Variants in CACNB2 observed in about 807,000 individuals in gnomAD.
CACNB2 encodes calcium voltage-gated channel auxiliary subunit beta 2.
Under a neutral mutation model 73.3 loss-of-function variants are expected in CACNB2, and 42 were observed. The observed-to-expected ratio is 0.57, with a 90% confidence interval of 0.45 to 0.74. The LOEUF is 0.74. Among genes scored for constraint, CACNB2 ranks in the 30% least tolerant of loss-of-function variants. The pLI is 0.00. For missense variants in CACNB2, 940 were observed against 853.0 expected, an observed-to-expected ratio of 1.10 and a Z score of -1.27; for synonymous variants, 348 against 310.3, an observed-to-expected ratio of 1.12 and a Z score of -1.28.
chr10:18,498,340 C>A lies in CACNB2; in HGVS notation c.334-15C>A. 2 of 1,613,998 alleles carry A rather than the reference C, an allele frequency of 1.2e-6. No homozygotes were observed. Among genetic ancestry groups the A allele is most frequent in the Middle Eastern group, 1.6e-4 (1 of 6,062 alleles). Reference sequence around the variant, plus strand: ...TTTGCTCTTATTTTTTTCCCTCTTCCTTTTCCCACTTTAGACAAAGCCCGT... The same window carrying A: ...TTTGCTCTTATTTTTTTCCCTCTTCATTTTCCCACTTTAGACAAAGCCCGT... On this transcript the variant is annotated splice_polypyrimidine_tract_variant and intron_variant, in intron 3 of 13. Coordinates refer to ENST00000324631, the MANE Select transcript of CACNB2 (RefSeq NM_201596.3).
chr10:18,271,286 T>C (rs2038044509), intron 2 of CACNB2, among the ~76,000 whole-genome samples: 1 of 152,220 alleles, frequency 6.6e-6, no homozygotes, highest in Non-Finnish European at 1.5e-5. Context: ...CTTTTAAGAA[T>C]ATAAAGCAAG....
chr10:18,489,385 C>T (rs2049273021), intron 3 of CACNB2, among the ~76,000 whole-genome samples: 1 of 101,400 alleles, frequency 9.9e-6, no homozygotes, highest in Non-Finnish European at 1.9e-5. Flanking sequence ...AGTGAAACTC[C>T]ATCTCAAAAA....
intron 2 of CACNB2, among the ~76,000 whole-genome samples, chr10:18,267,400 T>C (rs1245967415): frequency 3.3e-5 from 5 of 151,962 alleles, no homozygotes; most frequent in East Asian, 3.9e-4. Flanking sequence ...GAGGTCGGGA[T>C]TTCAAGACCA....
At chr10:18,298,438 A>G (rs564644247) in intron 2 of CACNB2, among the ~76,000 whole-genome samples, 2 of 152,344 alleles carry the variant, frequency 1.3e-5, no homozygotes, top group East Asian at 3.9e-4. Flanking sequence ...GTACAGTGTG[A>G]AATTTCTAGG....
chr10:18,347,365 TTTTTTTTTG>T (rs2041507670), intron 2 of CACNB2, among the ~76,000 whole-genome samples: 1 of 131,972 alleles, frequency 7.6e-6, no homozygotes, highest in African/African-American at 2.9e-5. Context: ...TTTTTTTTTT[TTTTTTTTTG>T]TATTTTAGTA....
chr10:18,507,251 A>G (rs561088066), intron 6 of CACNB2, among the ~76,000 whole-genome samples: 198 of 152,336 alleles, frequency 1.3e-3, no homozygotes, highest in African/African-American at 4.3e-3. Flanking sequence ...CAGAGGGTAA[A>G]GTGAAGATAG....
At chr10:18,519,806 A>C in intron 9 of CACNB2, 1 of 451,090 alleles carries the variant, frequency 2.2e-6, no homozygotes, top group Non-Finnish European at 4.4e-6. Context: ...CCACTCAGCT[A>C]AACTAGTCAT....
intron 2 of CACNB2, among the ~76,000 whole-genome samples, chr10:18,203,799 CTAAA>C (rs985239624): frequency 3.3e-5 from 5 of 152,082 alleles, no homozygotes; most frequent in Non-Finnish European, 7.4e-5. Context: ...AAAAAAGATA[CTAAA>C]TAAAGAACCG....
chr10:18,236,990 C>T (rs557508307), intron 2 of CACNB2, among the ~76,000 whole-genome samples: 7 of 152,198 alleles, frequency 4.6e-5, no homozygotes, highest in East Asian at 3.9e-4. Context: ...ATGCACCAGG[C>T]GAAGTGCCAA....
At chr10:18,299,158 C>T (rs2039406469) in intron 2 of CACNB2, among the ~76,000 whole-genome samples, 1 of 149,922 alleles carries the variant, frequency 6.7e-6, no homozygotes, top group African/African-American at 2.5e-5. Flanking sequence ...AATATTAACC[C>T]TTTTGCAAGA....
chr10:18,262,002 G>GC (rs1419544724), intron 2 of CACNB2: 1 of 518,828 alleles, frequency 1.9e-6, no homozygotes, highest in African/African-American at 1.9e-5. Context: ...CTCCGAGCAA[G>GC]CGCTGGCTTG....
chr10:18,186,984 G>C (rs1381130892), intron 2 of CACNB2, among the ~76,000 whole-genome samples: 1 of 152,192 alleles, frequency 6.6e-6, no homozygotes, highest in African/African-American at 2.4e-5. Context: ...AGCAGGAACA[G>C]GATGTTAATG....
Position 18,155,897 on chromosome 10 carries a change from T to TTA in CACNB2, c.213+4944_213+4945dup, listed in dbSNP as rs11467545. On this transcript the variant is annotated intron_variant, in intron 2 of 13. Transcript: ENST00000324631. Reference sequence around the variant, plus strand: ...GAGGGAGAGAGAGAGAGAGAACATATTATATATATATATATATATATATGT... The same window carrying TTA: ...GAGGGAGAGAGAGAGAGAGAACATATTATATATATATATATATATATATATGT... 7.0e-3 allele frequency among the ~76,000 whole-genome samples: 979 copies of TTA among 139,556 alleles called. 11 individuals carry two copies. Among genetic ancestry groups the TTA allele is most frequent in the African/African-American group, 0.022 (831 of 38,090 alleles). 91.6% of individuals were successfully genotyped at this position (139,556 alleles called of 152,430 possible).
At chr10:18,492,620 C>CAAAAAAAAAAAAAAAA (rs371407084) in intron 3 of CACNB2, among the ~76,000 whole-genome samples, 7 of 90,392 alleles carry the variant, frequency 7.7e-5, no homozygotes, top group Non-Finnish European at 1.4e-4. Context: ...GACTCTGTCT[C>CAAAAAAAAAAAAAAAA]AAAAAAAAAA....
intron 1 of CACNB2, among the ~76,000 whole-genome samples, chr10:18,144,354 A>G (rs1046142059): frequency 3.9e-5 from 6 of 152,248 alleles, no homozygotes; most frequent in African/African-American, 7.2e-5. Flanking sequence ...TGCTGGGATT[A>G]CAGGCGTGCG....
At chr10:18,234,394 A>G (rs1004273114) in intron 2 of CACNB2, 10 of 152,348 alleles carry the variant, frequency 6.6e-5, no homozygotes, top group South Asian at 2.1e-4. Context: ...TTTTGGGTAT[A>G]CACCCAAGAG....
chr10:18,352,224 G>T (rs180737778), intron 2 of CACNB2, among the ~76,000 whole-genome samples: 1 of 152,160 alleles, frequency 6.6e-6, no homozygotes, highest in African/African-American at 2.4e-5. Context: ...CTTTCTGATC[G>T]CATGAGTTGA....
chr10:18,160,500 C>T (rs993631383), intron 2 of CACNB2, among the ~76,000 whole-genome samples: 4 of 152,010 alleles, frequency 2.6e-5, no homozygotes, highest in Admixed American at 6.6e-5. Flanking sequence ...GTCACGCAAA[C>T]TGAATTAACC....
chr10:18,495,591 G>GTGTGTGTGTATA (rs768160446), intron 3 of CACNB2, among the ~76,000 whole-genome samples: 1 of 138,630 alleles, frequency 7.2e-6, no homozygotes, highest in Non-Finnish European at 1.6e-5. Context: ...GTGTGTGTGT[G>GTGTGTGTGTATA]TATAAGAGAT....
Sources: gnomAD v4.1 joint callset for allele counts (sites outside exome capture counted in the v4.1 genomes callset) on GRCh38, gnomAD v4.1.1 for gene constraint, MANE v1.5 for transcripts, NCBI Gene and HGNC (gene_info 2026-07-23, HGNC 2026-07-21) for gene names.